The following TLK2 variants were observed in gnomAD, a reference collection of about 807,000 sequenced individuals.
TLK2 encodes the protein serine/threonine-protein kinase tousled-like 2.
A neutral mutation model predicts 117.3 loss-of-function variants in TLK2; 6 were observed. That is an observed-to-expected ratio of 0.05 (90% CI 0.03 to 0.10). The LOEUF is 0.10. Among genes scored for constraint, TLK2 ranks in the 10% least tolerant of loss-of-function variants. TLK2 has a pLI of 1.00. For synonymous variants in TLK2, 257 were observed against 316.7 expected, an observed-to-expected ratio of 0.81 and a Z score of 2.00; for missense variants, 299 against 901.2, an observed-to-expected ratio of 0.33 and a Z score of 8.56.
chr17:62,547,804 C>G (rs550206098), intron 7 of TLK2, among the ~76,000 whole-genome samples: 1 of 152,252 alleles, frequency 6.6e-6, no homozygotes, highest in East Asian at 1.9e-4. Flanking sequence ...TCTGGCAACA[C>G]AGAGCCATTC....
chr17:62,576,966 C>CTT (rs59523807), intron 13 of TLK2, among the ~76,000 whole-genome samples, 191 bp downstream of exon 13: 1 of 115,950 alleles, frequency 8.6e-6, no homozygotes, highest in Non-Finnish European at 1.8e-5. Flanking sequence ...CTTTCTTCTT[C>CTT]TTTTTTTTTT....
intron 2 of TLK2, among the ~76,000 whole-genome samples, chr17:62,514,858 C>T (rs1005313960): frequency 3.9e-5 from 6 of 152,158 alleles, no homozygotes; most frequent in African/African-American, 4.8e-5. Context: ...GGCTTACAGG[C>T]GTGAGCCACC....
chr17:62,501,032 A>C (rs569600116), intron 2 of TLK2, among the ~76,000 whole-genome samples: 10 of 152,238 alleles, frequency 6.6e-5, no homozygotes, highest in African/African-American at 2.4e-4. Context: ...AGGTCAGGAG[A>C]TCGAGACCAT....
intron 19 of TLK2, among the ~76,000 whole-genome samples, chr17:62,605,138 T>C (rs1391380018): frequency 1.3e-5 from 2 of 151,548 alleles, no homozygotes; most frequent in Non-Finnish European, 2.9e-5. Flanking sequence ...CCATCCTGGC[T>C]AACACGGTGA....
chr17:62,484,116 C>G (rs1478608500), intron 2 of TLK2, among the ~76,000 whole-genome samples: 1 of 151,980 alleles, frequency 6.6e-6, no homozygotes, highest in Non-Finnish European at 1.5e-5. Context: ...GCCACTGTGC[C>G]CAGCTTAAGT....
rs139567748 is a variant in TLK2 at position 62,583,613 on chromosome 17, C to T, written c.1369-2522C>T. ...CTCTTGAGACAGAGTCTCACTCTGT[C>T]GTCCAGGCTGTAGTGTAATGGTGTG... is the stretch of plus-strand genomic sequence containing the variant. On this transcript the variant is annotated intron_variant, in intron 15 of 21. Transcript: ENST00000346027. Among the ~76,000 whole-genome samples, 163 of 152,222 alleles carry T rather than the reference C, an allele frequency of 1.1e-3. 1 individual carries two copies. Among genetic ancestry groups the T allele is most frequent in the African/African-American group, 3.5e-3 (147 of 41,516 alleles).
At chr17:62,590,930 T>G (rs2082029119) in intron 16 of TLK2, among the ~76,000 whole-genome samples, 1 of 152,204 alleles carries the variant, frequency 6.6e-6, no homozygotes, top group Non-Finnish European at 1.5e-5. Flanking sequence ...GGAGCTAGAT[T>G]TGGTGATGTG....
intron 12 of TLK2, among the ~76,000 whole-genome samples, chr17:62,576,151 A>G (rs1387909522): frequency 2.6e-5 from 4 of 152,214 alleles, no homozygotes; most frequent in Non-Finnish European, 2.9e-5. Context: ...GATAGGTATT[A>G]TCACTTGCTG....
At chr17:62,607,432 G>A (rs2083393060) in intron 20 of TLK2, among the ~76,000 whole-genome samples, 2 of 151,864 alleles carry the variant, frequency 1.3e-5, no homozygotes, top group African/African-American at 4.8e-5. Context: ...GGGAGGCTGA[G>A]GCAGGAGAAT....
At chr17:62,592,991 G>A (rs1017626843) in intron 16 of TLK2, among the ~76,000 whole-genome samples, 3 of 152,192 alleles carry the variant, frequency 2.0e-5, no homozygotes, top group Admixed American at 1.3e-4. Flanking sequence ...CTGACAGGAC[G>A]TGGAGCTCAG....
chr17:62,520,356 T>A (rs1285586848), intron 2 of TLK2, among the ~76,000 whole-genome samples: 3 of 152,102 alleles, frequency 2.0e-5, no homozygotes, highest in Admixed American at 6.5e-5. Flanking sequence ...TGAGAAACAC[T>A]GAAGTCGCAT....
At position 62,519,050 on chromosome 17, in the gene TLK2, A is replaced by T. The variant is rs549578738; in HGVS notation, c.82-1723A>T. The stretch of plus-strand genomic sequence containing the variant: ...AGGTGCACACCACCATGCCTCGCTA[A>T]TTTTTTGTATTTTTGGTAGAGATGG... On this transcript the variant is annotated intron_variant, in intron 2 of 21. Transcript: ENST00000346027. Among the ~76,000 whole-genome samples, 523 of 152,060 alleles carry T rather than the reference A, an allele frequency of 3.4e-3. 6 individuals carry two copies. The highest frequency in any genetic ancestry group is 0.012 in the African/African-American group (507 of 41,470).
At chr17:62,543,048 C>T (rs1259972208) in intron 7 of TLK2, among the ~76,000 whole-genome samples, 1 of 150,448 alleles carries the variant, frequency 6.6e-6, no homozygotes, top group African/African-American at 2.5e-5. Flanking sequence ...TCTAGAAAGA[C>T]AGGCTAAATG....
chr17:62,475,658 AAAT>A (rs754873123), upstream of TLK2, among the ~76,000 whole-genome samples: 31 of 145,882 alleles, frequency 2.1e-4, no homozygotes, highest in Non-Finnish European at 4.5e-5. Context: ...TGATTATTTT[AAAT>A]AATAATTATT....
At chr17:62,604,978 A>G (rs2083168884) in intron 19 of TLK2, among the ~76,000 whole-genome samples, 1 of 152,126 alleles carries the variant, frequency 6.6e-6, no homozygotes, top group Admixed American at 6.5e-5. Context: ...TTAAATGGTC[A>G]TTTTAGAATT....
chr17:62,559,926 A>G, intron 9 of TLK2, 90 bp from the exon 10 acceptor site: 1 of 888,486 alleles, frequency 1.1e-6, no homozygotes, highest in Non-Finnish European at 1.7e-6. Context: ...AAAACAACAT[A>G]TAGAAATGAT....
At chr17:62,576,416 A>G (rs2146681843) in intron 12 of TLK2, among the ~76,000 whole-genome samples, 1 of 152,204 alleles carries the variant, frequency 6.6e-6, no homozygotes, top group Non-Finnish European at 1.5e-5. Context: ...TTTTTATCTT[A>G]GTAATATATG....
rs954906975 is a variant in TLK2, at chr17:62,479,211, G to A, written c.-85G>A. 6.5e-6 allele frequency: 1 copy of A among 153,386 alleles called. No individual in the cohort carries two copies. Among genetic ancestry groups the A allele is most frequent in the African/African-American group, 2.4e-5 (1 of 41,328 alleles). 9.5% of individuals were successfully genotyped at this position (153,386 alleles called of 1,614,324 possible). On this transcript the variant is annotated 5_prime_UTR_variant, in exon 1 of 22. Transcript: ENST00000346027. ...GCTCCGCCCCGGGCCTGCCCAGGGG[G>A]AGAGCGGAGCGGTCCGCAGCCGGGT... is the stretch of plus-strand genomic sequence containing the variant.
intron 9 of TLK2, among the ~76,000 whole-genome samples, chr17:62,555,773 G>A (rs535197172): frequency 1.8e-4 from 27 of 151,126 alleles, no homozygotes; most frequent in African/African-American, 6.6e-4. Flanking sequence ...CACCGCGCCC[G>A]GCTATTATTA....
Sources: gnomAD v4.1 joint callset for allele counts (sites outside exome capture counted in the v4.1 genomes callset) on GRCh38, gnomAD v4.1.1 for gene constraint, MANE v1.5 for transcripts, NCBI Gene and HGNC (gene_info 2026-07-23, HGNC 2026-07-21) for gene names.